The following DENND2A variants were observed in gnomAD, a reference collection of about 807,000 sequenced individuals.
DENND2A encodes the protein DENN domain-containing protein 2A.
In DENND2A, 53 loss-of-function variants were observed where a neutral mutation model predicts 105.3. That is an observed-to-expected ratio of 0.50 (90% CI 0.40 to 0.63). The LOEUF (loss-of-function observed/expected upper bound fraction) is 0.63. DENND2A is among the 30% of genes least tolerant of loss of function. The pLI is 0.00. For synonymous variants in DENND2A, 522 were observed against 508.4 expected, an observed-to-expected ratio of 1.03 and a Z score of -0.36; for missense variants, 1,138 against 1,279.6, an observed-to-expected ratio of 0.89 and a Z score of 1.69.
chr7:140,538,616 C>T (rs945237290), intron 14 of DENND2A, among the ~76,000 whole-genome samples: 6 of 152,072 alleles, frequency 3.9e-5, no homozygotes, highest in Non-Finnish European at 8.8e-5. Context: ...AAGTGATTCT[C>T]CTGCCTCAGC....
Position 140,518,527 on chromosome 7 carries a change from G to C in DENND2A, c.*180C>G, listed in dbSNP as rs543652695. The C allele has an allele frequency of 2.1e-4, 111 of 521,206 alleles. 1 individual carries two copies. The South Asian group carries it at 3.2e-3, about 15-fold the overall frequency. 32.3% of individuals were successfully genotyped at this position (521,206 alleles called of 1,614,324 possible). ...GGTCTCGGGCTCCCTTTCTGGGGCT[G>C]TCCTCCCAGGCGGCTCCCAGGTCCT... On this transcript the variant is annotated 3_prime_UTR_variant, in exon 20 of 20. Transcript: ENST00000496613.
chr7:140,552,636 G>C (rs945998767), intron 12 of DENND2A, among the ~76,000 whole-genome samples: 1 of 152,004 alleles, frequency 6.6e-6, no homozygotes, highest in Non-Finnish European at 1.5e-5. Flanking sequence ...GGGCTCAAGC[G>C]ATCCTCCCAC....
chr7:140,540,786 C>T (rs1339977236), intron 14 of DENND2A, among the ~76,000 whole-genome samples: 2 of 151,926 alleles, frequency 1.3e-5, no homozygotes, highest in African/African-American at 2.4e-5. Context: ...GGCATGATCT[C>T]GGCTCTCCAC....
rs1326631577 is a variant in DENND2A at position 140,554,444 on chromosome 7, C to T, written c.2037+1192G>A. 3.3e-5 allele frequency among the ~76,000 whole-genome samples: 5 copies of T among 152,128 alleles called. No homozygotes were observed. In the South Asian group the frequency reaches 8.3e-4, roughly 25 times the overall value. ...CACTTGAGGTCAGTTTGAGACCAGC[C>T]TGGGCAATATGGTGAAACCCCATCT... On this transcript the variant is annotated intron_variant, in intron 12 of 19. Coordinates refer to ENST00000496613, the MANE Select transcript of DENND2A (RefSeq NM_015689.5).
chr7:140,583,649 G>A lies in DENND2A; in HGVS notation c.1245+1940C>T, dbSNP rs182977198. Among the ~76,000 whole-genome samples, 288 of 150,510 alleles carry A rather than the reference G, an allele frequency of 1.9e-3. 40 individuals are homozygous for A. The highest frequency in any genetic ancestry group is 6.6e-3 in the African/African-American group (263 of 39,856). On this transcript the variant is annotated intron_variant, in intron 5 of 19. Coordinates refer to ENST00000496613, the MANE Select transcript of DENND2A (RefSeq NM_015689.5). Reference sequence around the variant, plus strand: ...GACAATCATATAAAAGTCAAATTTCGCCGGGCGCGGTGGCTCACGCCTGCA... The same window carrying A: ...GACAATCATATAAAAGTCAAATTTCACCGGGCGCGGTGGCTCACGCCTGCA...
rs559493971 is a variant in DENND2A at position 140,634,278 on chromosome 7, G to A, written c.-248+6226C>T. On this transcript the variant is annotated intron_variant, in intron 1 of 19. Transcript: ENST00000496613. ...CTCCCGAAGTGCTGGGATTACAGGC[G>A]TGAGCCACCGCGCCCGGCCTAAAAT... Among the ~76,000 whole-genome samples, 9 of 152,208 alleles carry A rather than the reference G, an allele frequency of 5.9e-5. No individual in the cohort carries two copies. The South Asian group carries it at 1.0e-3, about 18-fold the overall frequency.
rs1004395390 is a variant in DENND2A at position 140,587,727 on chromosome 7, A to C, written c.1049T>G (p.Val350Gly). 25 of 1,611,720 alleles carry C rather than the reference A, an allele frequency of 1.6e-5. No individual in the cohort carries two copies. Among genetic ancestry groups the C allele is most frequent in the Non-Finnish European group, 2.0e-5 (24 of 1,178,252 alleles). ...CAGCTTAGTCTGCGCGTACCAGTCC[A>C]CCCTGCTGCTCTCAGAGGAAGACTG... ...LLQSSSESSR[V>G]DWYAQTKLGL... The change falls in exon 4 of 20, where the codon GTG (valine) becomes GGG (glycine). Residue 350 changes from valine to glycine, a missense_variant. By Grantham distance (109) the Val-to-Gly change is moderately radical. Coordinates refer to ENST00000496613, the MANE Select transcript of DENND2A (RefSeq NM_015689.5).
intron 12 of DENND2A, among the ~76,000 whole-genome samples, chr7:140,548,366 C>T (rs1397802152): frequency 1.3e-5 from 2 of 151,252 alleles, no homozygotes; most frequent in African/African-American, 2.4e-5. Context: ...ATTAAAATGC[C>T]GTTTATGAAG....
chr7:140,568,623 C>T, intron 8 of DENND2A, 140 bp downstream of exon 8: 1 of 794,392 alleles, frequency 1.3e-6, no homozygotes, highest in Non-Finnish European at 2.1e-6. Context: ...ACCCTGTGGC[C>T]CCACTGTCTC....
At chr7:140,537,884 AAC>A (rs1187367520) in intron 14 of DENND2A, among the ~76,000 whole-genome samples, 1 of 152,192 alleles carries the variant, frequency 6.6e-6, no homozygotes, top group Non-Finnish European at 1.5e-5. Context: ...GTTTAGCCAA[AAC>A]TTTGGGGAAC....
At chr7:140,573,137 C>G (rs1328278895) in intron 6 of DENND2A, among the ~76,000 whole-genome samples, 6 of 152,138 alleles carry the variant, frequency 3.9e-5, no homozygotes, top group African/African-American at 1.4e-4. Flanking sequence ...TTTGAGGGCT[C>G]CCACGTACTT....
intron 1 of DENND2A, among the ~76,000 whole-genome samples, chr7:140,637,289 G>A (rs1800981447): frequency 6.6e-6 from 1 of 152,224 alleles, no homozygotes; most frequent in Admixed American, 6.5e-5. Flanking sequence ...TGGAGGGGTA[G>A]AATCCCACTC....
chr7:140,617,131 T>C (rs1417401619), intron 1 of DENND2A, among the ~76,000 whole-genome samples: 2 of 152,236 alleles, frequency 1.3e-5, no homozygotes, highest in Non-Finnish European at 2.9e-5. Flanking sequence ...ATGCTGGGAT[T>C]ACAGGCGTGA....
chr7:140,571,688 T>C (rs908748620), intron 6 of DENND2A, among the ~76,000 whole-genome samples: 1 of 152,140 alleles, frequency 6.6e-6, no homozygotes, highest in Non-Finnish European at 1.5e-5. Flanking sequence ...ATGTGGTATA[T>C]ACATACGATG....
chr7:140,558,272 A>G, intron 10 of DENND2A, 60 bp from the exon 11 acceptor site: 1 of 1,396,750 alleles, frequency 7.2e-7, no homozygotes, highest in South Asian at 1.2e-5. Context: ...ACACCTCATC[A>G]CTCTGCAGCA....
At chr7:140,544,314 C>T in intron 14 of DENND2A, 1 of 481,000 alleles carries the variant, frequency 2.1e-6, no homozygotes, top group Non-Finnish European at 3.8e-6. Flanking sequence ...CGTGCCTCAG[C>T]CTCCCAAGTA....
chr7:140,573,973 AT>A lies in DENND2A; in HGVS notation c.1280del (p.Asn427IlefsTer15), dbSNP rs1798200296. On this transcript the variant is annotated frameshift_variant, in exon 6 of 20. Coordinates refer to ENST00000496613, the MANE Select transcript of DENND2A (RefSeq NM_015689.5). LOFTEE classifies it high-confidence loss of function. ...GCAGCTTGAAGTTCCTCCTCTCTGA[AT>A]TTTGTCGGAAAAAAGCAGGTTTGGA... Reference protein sequence around the residue: ...SLSKPAFFRQNSERRNFKLLD... With the variant: ...SLSKPAFFRQXSERRNFKLLD... 6.2e-7 allele frequency: 1 copy of A among 1,614,010 alleles called. No homozygotes were observed. Among genetic ancestry groups the A allele is most frequent in the Admixed American group, 1.7e-5 (1 of 59,980 alleles).
At chr7:140,543,043 T>A (rs1796736998) in intron 14 of DENND2A, among the ~76,000 whole-genome samples, 1 of 152,036 alleles carries the variant, frequency 6.6e-6, no homozygotes, top group Non-Finnish European at 1.5e-5. Context: ...TACCTGCCTC[T>A]AATGTGGTCC....
intron 1 of DENND2A, among the ~76,000 whole-genome samples, chr7:140,636,612 G>C (rs1800944963): frequency 6.6e-6 from 1 of 151,692 alleles, no homozygotes; most frequent in Non-Finnish European, 1.5e-5. Flanking sequence ...AAATCATCTG[G>C]GGATCTCAAA....
Sources: gnomAD v4.1 joint callset for allele counts (sites outside exome capture counted in the v4.1 genomes callset) on GRCh38, gnomAD v4.1.1 for gene constraint, MANE v1.5 for transcripts, NCBI Gene and HGNC (gene_info 2026-07-23, HGNC 2026-07-21) for gene names.